ALOX5: variants seen among roughly 807,000 people sequenced by gnomAD.
ALOX5 encodes the protein arachidonate 5-lipoxygenase.
ALOX5 carries 64 observed loss-of-function variants against 87.9 expected under a neutral mutation model. The ratio of observed to expected loss-of-function variants is 0.73; its 90% CI spans 0.60 to 0.90. The LOEUF (loss-of-function observed/expected upper bound fraction) is 0.90. Ranked by LOEUF, ALOX5 falls within the 40% of genes least tolerant of loss-of-function variation. The pLI is 0.00. For missense variants in ALOX5, 822 were observed against 907.5 expected, an observed-to-expected ratio of 0.91 and a Z score of 1.21; for synonymous variants, 388 against 355.1, an observed-to-expected ratio of 1.09 and a Z score of -1.04.
At chr10:45,415,269 G>A (rs917020664) in intron 4 of ALOX5, among the ~76,000 whole-genome samples, 13 of 152,204 alleles carry the variant, frequency 8.5e-5, no homozygotes, top group Non-Finnish European at 1.5e-4. Context: ...AAAAGGATGA[G>A]TTAATGTCCT....
At chr10:45,381,917 G>A (rs1218708251) in intron 1 of ALOX5, among the ~76,000 whole-genome samples, 1 of 152,234 alleles carries the variant, frequency 6.6e-6, no homozygotes, top group African/African-American at 2.4e-5. Context: ...ATGAACTGTA[G>A]TGGAGGCAAA....
chr10:45,398,140 G>T (rs1303451835), intron 3 of ALOX5, among the ~76,000 whole-genome samples: 1 of 152,148 alleles, frequency 6.6e-6, no homozygotes, highest in Non-Finnish European at 1.5e-5. Flanking sequence ...TCGGCATAAG[G>T]ATAGATATAT....
chr10:45,425,560 G>A lies in ALOX5; in HGVS notation c.834+428G>A, dbSNP rs971732873. ...TTGTGTGAGAATAAAAAAGGGGCAC[G>A]AGGAGAAACCCAACAGAATGGTTGA... On this transcript the variant is annotated intron_variant, in intron 6 of 13. Transcript: ENST00000374391. The surrounding 1 kb of genome is among the most constrained non-coding windows in gnomAD (Gnocchi z 4.4). 1.3e-5 allele frequency among the ~76,000 whole-genome samples: 2 copies of A among 152,170 alleles called. No homozygotes were observed. Among genetic ancestry groups the A allele is most frequent in the South Asian group, 2.1e-4 (1 of 4,830 alleles).
At chr10:45,412,109 T>C in intron 3 of ALOX5, 82 bp from the exon 4 acceptor site, 8 of 1,581,802 alleles carry the variant, frequency 5.1e-6, no homozygotes, top group Non-Finnish European at 6.9e-6. Flanking sequence ...TAACATCGTC[T>C]GACAGTGTGG....
At chr10:45,434,887 G>A (rs1030475863) in intron 7 of ALOX5, among the ~76,000 whole-genome samples, 6 of 152,334 alleles carry the variant, frequency 3.9e-5, no homozygotes, top group South Asian at 2.1e-4. Flanking sequence ...ATCCCTGGGC[G>A]CTGGAAGATG....
intron 2 of ALOX5, among the ~76,000 whole-genome samples, chr10:45,384,428 T>C (rs1474448266): frequency 6.6e-6 from 1 of 152,198 alleles, no homozygotes; most frequent in Non-Finnish European, 1.5e-5. Context: ...TTCATGCTCT[T>C]GCAGGTCAGG....
chr10:45,401,219 A>C (rs1380634092), intron 3 of ALOX5, among the ~76,000 whole-genome samples: 4 of 152,202 alleles, frequency 2.6e-5, no homozygotes, highest in Admixed American at 6.5e-5. Context: ...AAGTGGAAGG[A>C]ATCATTCTAC....
intron 2 of ALOX5, among the ~76,000 whole-genome samples, chr10:45,390,226 C>T (rs181132926): frequency 7.7e-4 from 117 of 152,256 alleles, no homozygotes; most frequent in African/African-American, 2.7e-3. Flanking sequence ...ACCTAGACTC[C>T]CACACAATAA....
At position 45,374,447 on chromosome 10, in the gene ALOX5, A is replaced by G. The variant is rs111916157; in HGVS notation, c.150+18A>G. On this transcript the variant is annotated intron_variant, in intron 1 of 13. Coordinates refer to ENST00000374391, the MANE Select transcript of ALOX5 (RefSeq NM_000698.5). ...GTGGCGCGGTGAGCGCGGGCGGGGC[A>G]CGGGTGGAGCGCGGGCTGAGGTGCG... The G allele has an allele frequency of 0.19, 296,519 of 1,524,180 alleles. 29,271 individuals carry two copies. Among genetic ancestry groups the G allele is most frequent in the Non-Finnish European group, 0.2 (226,662 of 1,139,428 alleles). 94.4% of individuals were successfully genotyped at this position (1,524,180 alleles called of 1,614,324 possible). A position where few individuals can be genotyped will look rare whatever the true frequency, so the allele number is the denominator to read the frequency against.
chr10:45,431,060 A>G (rs1256522323), intron 7 of ALOX5, among the ~76,000 whole-genome samples: 5 of 152,256 alleles, frequency 3.3e-5, no homozygotes, highest in Admixed American at 3.3e-4. Context: ...AGATATTTCA[A>G]TATCAAGAGA....
At chr10:45,401,307 T>A (rs1219470588) in intron 3 of ALOX5, among the ~76,000 whole-genome samples, 4 of 152,212 alleles carry the variant, frequency 2.6e-5, no homozygotes, top group Admixed American at 2.6e-4. Flanking sequence ...TATCCCTCAA[T>A]AGTTGAACTT....
intron 2 of ALOX5, among the ~76,000 whole-genome samples, chr10:45,387,110 G>A (rs925724135): frequency 2.8e-4 from 42 of 152,192 alleles, no homozygotes; most frequent in Non-Finnish European, 5.6e-4. Flanking sequence ...TGCACACCAT[G>A]ACCCGGAGAA....
At position 45,440,515 on chromosome 10, in the gene ALOX5, G is replaced by A. The variant is rs746046438; in HGVS notation, c.1067G>A (p.Arg356His). The A allele has an allele frequency of 4.1e-5, 66 of 1,614,058 alleles. No homozygotes were observed. The Middle Eastern group carries it at 4.9e-4, about 12-fold the overall frequency. The change falls in exon 8 of 14, where the codon CGT becomes CAT. Residue 356 changes from arginine (R) to histidine (H), a missense_variant. Coordinates refer to ENST00000374391, the MANE Select transcript of ALOX5 (RefSeq NM_000698.5). The stretch of plus-strand genomic sequence containing the variant: ...TGGCTTTTGGCCAAAATCTGGGTGC[G>A]TTCCAGTGACTTCCACGTCCACCAG... ...YDWLLAKIWV[R>H]SSDFHVHQTI...
At chr10:45,441,786 A>G (rs1842243961) in intron 9 of ALOX5, among the ~76,000 whole-genome samples, 1 of 150,228 alleles carries the variant, frequency 6.7e-6, no homozygotes, top group Non-Finnish European at 1.5e-5. Context: ...TTAATCTGCC[A>G]CACCCCTGCC....
intron 1 of ALOX5, among the ~76,000 whole-genome samples, chr10:45,378,521 T>C (rs549058610): frequency 1.3e-5 from 2 of 152,294 alleles, no homozygotes; most frequent in East Asian, 3.9e-4. Flanking sequence ...CACCTGAGAA[T>C]TTAATGTGTC....
intron 4 of ALOX5, among the ~76,000 whole-genome samples, chr10:45,417,623 A>C (rs1841343153): frequency 6.6e-6 from 1 of 152,152 alleles, no homozygotes; most frequent in Non-Finnish European, 1.5e-5. Flanking sequence ...AATTTGTTGG[A>C]GGCTCGCTCT....
chr10:45,443,549 G>A lies in ALOX5; in HGVS notation c.1573+12G>A, dbSNP rs771115794. 3 of 1,608,484 alleles carry A rather than the reference G, an allele frequency of 1.9e-6. No individual in the cohort carries two copies. The highest frequency in any genetic ancestry group is 1.1e-5 in the South Asian group (1 of 90,942). ...CCGCAAGTCCTCAGGTAGGGCCTCC[G>A]GGACGTCTCCGGACCCGGCTCCCCC... On this transcript the variant is annotated intron_variant, in intron 11 of 13. Coordinates refer to ENST00000374391, the MANE Select transcript of ALOX5 (RefSeq NM_000698.5).
intron 3 of ALOX5, among the ~76,000 whole-genome samples, chr10:45,405,986 T>C (rs1030738584): frequency 6.6e-6 from 1 of 152,142 alleles, no homozygotes; most frequent in African/African-American, 2.4e-5. Flanking sequence ...GATGATGTCT[T>C]TCCTCCTGAC....
chr10:45,414,194 G>A (rs917970606), intron 4 of ALOX5, among the ~76,000 whole-genome samples: 22 of 152,106 alleles, frequency 1.4e-4, no homozygotes, highest in African/African-American at 3.6e-4. Flanking sequence ...ACCATACTAC[G>A]AGGCTACAGT....
Sources: allele counts gnomAD v4.1 joint callset (sites outside exome capture counted in the v4.1 genomes callset), GRCh38; gene constraint gnomAD v4.1.1; non-coding constraint Gnocchi (gnomAD v3.1); transcripts MANE v1.5; gene names NCBI Gene and HGNC (gene_info 2026-07-23, HGNC 2026-07-21).